The following TJP3 variants were observed in gnomAD, a reference collection of about 807,000 sequenced individuals.
The protein encoded by TJP3 is tight junction protein ZO-3.
In TJP3, 85 loss-of-function variants were observed where a neutral mutation model predicts 104.2. The observed-to-expected ratio is 0.82, with a 90% CI of 0.68 to 0.98. TJP3 has a LOEUF of 0.98. Ranked by LOEUF, TJP3 falls within the 50% of genes least tolerant of loss-of-function variation. The probability of loss-of-function intolerance (pLI) is 0.00; values close to 1 mark genes in which losing one functional copy is unlikely to be tolerated. For synonymous variants in TJP3, 550 were observed against 550.6 expected, an observed-to-expected ratio of 1.00 and a Z score of 0.02; for missense variants, 1,367 against 1,322.8, an observed-to-expected ratio of 1.03 and a Z score of -0.52.
intron 11 of TJP3, among the ~76,000 whole-genome samples, chr19:3,738,232 G>A (rs1372374799): frequency 1.3e-5 from 2 of 152,124 alleles, no homozygotes; most frequent in Non-Finnish European, 2.9e-5. Flanking sequence ...AGTTTCCATC[G>A]AGCTCCATGC....
chr19:3,710,043 G>A (rs558005296), intron 1 of TJP3, among the ~76,000 whole-genome samples: 2 of 151,670 alleles, frequency 1.3e-5, no homozygotes, highest in South Asian at 2.1e-4. Context: ...CAGCTACTCC[G>A]GAGGCTGAGG....
intron 14 of TJP3, among the ~76,000 whole-genome samples, chr19:3,742,502 A>G (rs958516203): frequency 1.3e-5 from 2 of 149,426 alleles, no homozygotes; most frequent in African/African-American, 4.9e-5. Context: ...GGGGTTAAAA[A>G]CCCAGGTGCA....
Position 3,731,970 on chromosome 19 carries a change from A to C in TJP3, c.649A>C (p.Lys217Gln), listed in dbSNP as rs562895942. The change falls in exon 6 of 21, where the codon AAG becomes CAG. Residue 217 changes from lysine (K) to glutamine (Q), a missense_variant. Physicochemically the swap from Lys to Gln is moderately conservative, Grantham distance 53. Transcript: ENST00000541714. Reference protein sequence around the residue: ...GVKLGSQIFIKHITDSGLAAR... With the variant: ...GVKLGSQIFIQHITDSGLAAR... ...CAAGCTGGGCAGTCAGATCTTCATC[A>C]AGCACATTACAGATTCGGGCCTGGC... 1 of 1,613,718 alleles carries C rather than the reference A, an allele frequency of 6.2e-7. No homozygotes were observed. The highest frequency in any genetic ancestry group is 1.1e-5 in the South Asian group (1 of 91,012).
chr19:3,715,171 C>G (rs1225808225), intron 1 of TJP3, among the ~76,000 whole-genome samples: 11 of 151,020 alleles, frequency 7.3e-5, no homozygotes, highest in Admixed American at 1.3e-4. Context: ...CTCACTGCAA[C>G]CTCCGCCTCC....
chr19:3,742,427 T>G (rs561828483), intron 14 of TJP3, among the ~76,000 whole-genome samples: 136 of 151,354 alleles, frequency 9.0e-4, no homozygotes, highest in Non-Finnish European at 1.7e-3. Flanking sequence ...AGCCAGACTC[T>G]GGGGGGAAAA....
intron 8 of TJP3, 86 bp from the exon 9 acceptor site, chr19:3,735,480 T>C (rs2036726406): frequency 2.2e-6 from 3 of 1,357,992 alleles, no homozygotes; most frequent in African/African-American, 2.9e-5. Flanking sequence ...ATTACAGGCA[T>C]GAACCACCGT....
intron 2 of TJP3, 59 bp from the exon 3 acceptor site, chr19:3,728,545 G>T: frequency 6.3e-7 from 1 of 1,598,970 alleles, no homozygotes; most frequent in Non-Finnish European, 8.5e-7. Flanking sequence ...GCTCAATAGA[G>T]GGGAGACCCT....
intron 13 of TJP3, among the ~76,000 whole-genome samples, chr19:3,740,237 G>C (rs1213359541): frequency 2.0e-5 from 3 of 151,144 alleles, no homozygotes; most frequent in Non-Finnish European, 4.4e-5. Context: ...TCTCAAAAAA[G>C]TAAATAAATA....
intron 1 of TJP3, among the ~76,000 whole-genome samples, chr19:3,714,555 G>A (rs117333634): frequency 0.012 from 1,815 of 152,148 alleles, 20 homozygotes; most frequent in Non-Finnish European, 0.019. Flanking sequence ...CAGACACAGT[G>A]GAAGCCCACA....
chr19:3,747,488 T>C (rs531105289), intron 18 of TJP3, among the ~76,000 whole-genome samples: 49 of 152,168 alleles, frequency 3.2e-4, no homozygotes, highest in African/African-American at 1.2e-3. Flanking sequence ...TGAGCAGAGA[T>C]TGCGCCACAG....
chr19:3,741,986 A>C (rs2036828283), intron 14 of TJP3, among the ~76,000 whole-genome samples: 1 of 152,112 alleles, frequency 6.6e-6, no homozygotes, highest in Non-Finnish European at 1.5e-5. Flanking sequence ...AAACAAAAAA[A>C]CAAAAAAATT....
Position 3,733,855 on chromosome 19 carries a change from C to A in TJP3, c.820C>A (p.Gln274Lys). The change falls in exon 7 of 21, where the codon CAG becomes AAG. Residue 274 changes from glutamine to lysine, a missense_variant. Physicochemically the swap from Gln to Lys is moderately conservative, Grantham distance 53. Coordinates refer to ENST00000541714, the MANE Select transcript of TJP3 (RefSeq NM_001267560.2). ...LSLLVLRDRGQFLVNIPPAVS... is the reference protein window; with the variant it reads ...LSLLVLRDRGKFLVNIPPAVS... ...CCTGCTGGTGCTGAGAGATCGTGGG[C>A]AGTTCCTGGTGAACATTCCGCCTGC... 6.2e-7 allele frequency: 1 copy of A among 1,614,210 alleles called. No individual in the cohort carries two copies. Among genetic ancestry groups the A allele is most frequent in the Non-Finnish European group, 8.5e-7 (1 of 1,180,034 alleles).
intron 1 of TJP3, among the ~76,000 whole-genome samples, chr19:3,709,049 C>G (rs911053355): frequency 2.4e-4 from 36 of 152,186 alleles, no homozygotes; most frequent in Non-Finnish European, 4.8e-4. Flanking sequence ...CCCCCCAACC[C>G]CTCACCCTGT....
At chr19:3,735,146 G>A (rs1199488550) in intron 8 of TJP3, among the ~76,000 whole-genome samples, 2 of 151,614 alleles carry the variant, frequency 1.3e-5, no homozygotes, top group African/African-American at 2.4e-5. Flanking sequence ...TATTACAGGC[G>A]TGAGCCACCA....
At chr19:3,724,571 C>T (rs1327770100) in intron 1 of TJP3, among the ~76,000 whole-genome samples, 1 of 152,170 alleles carries the variant, frequency 6.6e-6, no homozygotes. Context: ...GGGTCTTGCT[C>T]TGTCGCCCAG....
chr19:3,717,357 C>T lies in TJP3; in HGVS notation c.-10+8796C>T, dbSNP rs1174277368. On this transcript the variant is annotated intron_variant, in intron 1 of 20. Transcript: ENST00000541714. Reference sequence around the variant, plus strand: ...ACCTCAAGTGATTCGGCCGCCTTGGCCATCCAAAGTGGGATTACAGGCGTG... The same window carrying T: ...ACCTCAAGTGATTCGGCCGCCTTGGTCATCCAAAGTGGGATTACAGGCGTG... Among the ~76,000 whole-genome samples the T allele has an allele frequency of 4.0e-5, 6 of 148,234 alleles. No individual in the cohort carries two copies. In the South Asian group the frequency reaches 1.3e-3, roughly 33 times the overall value.
chr19:3,745,390 T>C (rs551119421), intron 15 of TJP3, among the ~76,000 whole-genome samples: 7 of 152,114 alleles, frequency 4.6e-5, no homozygotes, highest in Non-Finnish European at 1.0e-4. Context: ...GTGATCTACC[T>C]GCCTCAGCCT....
chr19:3,714,138 C>A (rs1192118800), intron 1 of TJP3, among the ~76,000 whole-genome samples: 1 of 152,074 alleles, frequency 6.6e-6, no homozygotes, highest in African/African-American at 2.4e-5. Flanking sequence ...GCAACCTCTG[C>A]CTCCCGGTTC....
At position 3,740,879 on chromosome 19, in the gene TJP3, G is replaced by A. The variant is rs1188807903; in HGVS notation, c.1843+116G>A. 1.8e-5 allele frequency: 18 copies of A among 1,023,380 alleles called. No individual in the cohort carries two copies. In the Middle Eastern group the frequency reaches 1.1e-3, roughly 61 times the overall value. The allele number at this position is 1,023,380 out of a possible 1,614,324, so 63.4% of individuals were successfully genotyped here. On this transcript the variant is annotated intron_variant, in intron 14 of 20. Transcript: ENST00000541714. ...GTCTTGGCCCGGCGTGGTGGCTCAC[G>A]CCTATAATCCCAACACTTTGGGAGG...
Sources: allele counts gnomAD v4.1 joint callset (sites outside exome capture counted in the v4.1 genomes callset), GRCh38; gene constraint gnomAD v4.1.1; transcripts MANE v1.5; gene names NCBI Gene and HGNC (gene_info 2026-07-23, HGNC 2026-07-21).